The following PRKACB variants were observed in gnomAD, a reference collection of about 807,000 sequenced individuals.
PRKACB encodes the protein cAMP-dependent protein kinase catalytic subunit beta.
Under a neutral mutation model 51.4 loss-of-function variants are expected in PRKACB, and 16 were observed. The ratio of observed to expected loss-of-function variants is 0.31; its 90% confidence interval spans 0.21 to 0.47. The LOEUF is 0.47. Ranked by LOEUF, PRKACB falls within the 20% of genes least tolerant of loss-of-function variation. PRKACB has a pLI of 1.00. For synonymous variants in PRKACB, 147 were observed against 154.4 expected, an observed-to-expected ratio of 0.95 and a Z score of 0.35; for missense variants, 309 against 464.5, an observed-to-expected ratio of 0.67 and a Z score of 3.08.
chr1:84,195,891 C>CTG (rs1019671087), intron 5 of PRKACB, among the ~76,000 whole-genome samples: 29 of 139,794 alleles, frequency 2.1e-4, no homozygotes, highest in Middle Eastern at 7.4e-3. Flanking sequence ...CCAGCCTGGG[C>CTG]AACAGAGCAA....
At chr1:84,219,861 A>G (rs1035589234) in intron 9 of PRKACB, among the ~76,000 whole-genome samples, 8 of 152,010 alleles carry the variant, frequency 5.3e-5, no homozygotes, top group Admixed American at 4.6e-4. Context: ...GCTTTATAGT[A>G]TATTTTGAAG....
At chr1:84,145,209 A>G (rs957830247) in intron 1 of PRKACB, among the ~76,000 whole-genome samples, 3 of 152,152 alleles carry the variant, frequency 2.0e-5, no homozygotes, top group Admixed American at 1.3e-4. Context: ...CAGCTTTGCT[A>G]AAATGGTGCT....
chr1:84,101,458 C>T (rs994754715), intron 1 of PRKACB, among the ~76,000 whole-genome samples: 6 of 152,182 alleles, frequency 3.9e-5, no homozygotes, highest in Non-Finnish European at 7.3e-5. Context: ...GTCCTGTAGG[C>T]ATATTTTTTC....
intron 1 of PRKACB, among the ~76,000 whole-genome samples, chr1:84,124,090 G>T (rs1178094847): frequency 6.6e-6 from 1 of 152,100 alleles, no homozygotes; most frequent in African/African-American, 2.4e-5. Context: ...GTATCTTGAA[G>T]AAATTAATCA....
intron 8 of PRKACB, among the ~76,000 whole-genome samples, chr1:84,213,030 T>C (rs1672360051): frequency 1.3e-5 from 2 of 152,172 alleles, no homozygotes; most frequent in South Asian, 4.1e-4. Context: ...CTTGTAGTGG[T>C]AGCACTTGTA....
chr1:84,169,988 C>G (rs1658881886), intron 1 of PRKACB, among the ~76,000 whole-genome samples: 1 of 151,604 alleles, frequency 6.6e-6, no homozygotes, highest in Non-Finnish European at 1.5e-5. Context: ...TCAACAGCAC[C>G]TTGAAATGCT....
At chr1:84,095,528 A>G (rs1266097212) in intron 1 of PRKACB, among the ~76,000 whole-genome samples, 1 of 151,798 alleles carries the variant, frequency 6.6e-6, no homozygotes, top group East Asian at 1.9e-4. Flanking sequence ...TTGCTTTATG[A>G]AGGTAGTATA....
At chr1:84,084,710 A>G (rs1647826392) in intron 1 of PRKACB, among the ~76,000 whole-genome samples, 1 of 152,124 alleles carries the variant, frequency 6.6e-6, no homozygotes, top group Non-Finnish European at 1.5e-5. Context: ...TGGGGATGAC[A>G]CGTTAAGTTT....
chr1:84,189,081 A>T (rs1666010280), intron 5 of PRKACB, among the ~76,000 whole-genome samples: 1 of 151,976 alleles, frequency 6.6e-6, no homozygotes, highest in South Asian at 2.1e-4. Context: ...TAGACAAATC[A>T]CCAAAATGGT....
At chr1:84,141,215 G>A (rs568430410), upstream of PRKACB, among the ~76,000 whole-genome samples, 1 of 152,084 alleles carries the variant, frequency 6.6e-6, no homozygotes, top group South Asian at 2.1e-4. Context: ...AGCTATTCTG[G>A]TAAATTCTCG....
At chr1:84,181,928 T>C (rs1663642449) in intron 2 of PRKACB, among the ~76,000 whole-genome samples, 1 of 152,046 alleles carries the variant, frequency 6.6e-6, no homozygotes, top group Non-Finnish European at 1.5e-5. Context: ...TACTGGAATA[T>C]AATCTTTAAT....
intron 9 of PRKACB, among the ~76,000 whole-genome samples, chr1:84,227,477 T>C (rs588518): frequency 0.54 from 82,759 of 152,064 alleles, 24,978 homozygotes; most frequent in Non-Finnish European, 0.69. Flanking sequence ...TTTGAATCTT[T>C]TCATATTTAT....
At chr1:84,142,606 A>G (rs1321562510), upstream of PRKACB, among the ~76,000 whole-genome samples, 1 of 152,214 alleles carries the variant, frequency 6.6e-6, no homozygotes, top group Non-Finnish European at 1.5e-5. Flanking sequence ...AAATTTTATT[A>G]CACAAAACAA....
intron 8 of PRKACB, among the ~76,000 whole-genome samples, chr1:84,211,049 A>C (rs1672055998): frequency 6.6e-6 from 1 of 151,838 alleles, no homozygotes; most frequent in Non-Finnish European, 1.5e-5. Context: ...TATGGAGGTG[A>C]GGAGGATATG....
intron 1 of PRKACB, among the ~76,000 whole-genome samples, chr1:84,123,647 A>C (rs546422201): frequency 6.6e-6 from 1 of 152,246 alleles, no homozygotes; most frequent in Non-Finnish European, 1.5e-5. Context: ...ACGCTATAAA[A>C]TGTTGCAATT....
chr1:84,126,354 A>G (rs1298736983), intron 1 of PRKACB, among the ~76,000 whole-genome samples: 1 of 152,098 alleles, frequency 6.6e-6, no homozygotes, highest in African/African-American at 2.4e-5. Context: ...GGGGAGCTGG[A>G]AAGCGGATGG....
chr1:84,189,251 A>T (rs1329856916), intron 5 of PRKACB, among the ~76,000 whole-genome samples: 1 of 151,886 alleles, frequency 6.6e-6, no homozygotes, highest in Non-Finnish European at 1.5e-5. Context: ...GTGTTATAGA[A>T]AAATATGAAC....
chr1:84,203,423 C>A (rs796279910), intron 8 of PRKACB, among the ~76,000 whole-genome samples: 2 of 152,100 alleles, frequency 1.3e-5, no homozygotes, highest in African/African-American at 4.8e-5. Context: ...AACCTTCCTT[C>A]TTTTGCACTT....
At chr1:84,187,808 G>C (rs1212358272) in intron 5 of PRKACB, among the ~76,000 whole-genome samples, 1 of 152,042 alleles carries the variant, frequency 6.6e-6, no homozygotes, top group Non-Finnish European at 1.5e-5. Flanking sequence ...AAAACCTCTT[G>C]AGGCAAGGAA....
Sources: allele counts gnomAD v4.1 joint callset (sites outside exome capture counted in the v4.1 genomes callset), GRCh38; gene constraint gnomAD v4.1.1; transcripts MANE v1.5; gene names NCBI Gene and HGNC (gene_info 2026-07-23, HGNC 2026-07-21).